ADIPOR1: variants seen among roughly 807,000 people sequenced by gnomAD.
ADIPOR1 encodes adiponectin receptor protein 1.
Under a neutral mutation model 37.5 loss-of-function variants are expected in ADIPOR1, and 15 were observed. That is an observed-to-expected ratio of 0.40 (90% CI 0.27 to 0.62). The LOEUF is 0.62. Ranked by LOEUF, ADIPOR1 falls within the 20% of genes least tolerant of loss-of-function variation. ADIPOR1 has a pLI of 0.42. For synonymous variants in ADIPOR1, 173 were observed against 173.2 expected, an observed-to-expected ratio of 1.00 and a Z score of 0.01; for missense variants, 286 against 478.0, an observed-to-expected ratio of 0.60 and a Z score of 3.75.
At chr1:202,957,789 C>A (rs989780939) in intron 1 of ADIPOR1, among the ~76,000 whole-genome samples, 4 of 152,218 alleles carry the variant, frequency 2.6e-5, no homozygotes, top group African/African-American at 9.6e-5. Context: ...GCGACCTAGG[C>A]CCGCAGCCCT....
At chr1:202,955,957 G>A (rs1260553463) in intron 1 of ADIPOR1, among the ~76,000 whole-genome samples, 2 of 152,296 alleles carry the variant, frequency 1.3e-5, no homozygotes, top group African/African-American at 4.8e-5. Context: ...TGTATTTTTA[G>A]TAGAGACAGG....
At chr1:202,949,593 A>AAAAAAAAAC (rs1332418254) in intron 2 of ADIPOR1, among the ~76,000 whole-genome samples, 1,939 of 138,282 alleles carry the variant, frequency 0.014, 57 homozygotes, top group Non-Finnish European at 0.018. Flanking sequence ...AAAAAAAAAA[A>AAAAAAAAAC]AAAACACACC....
rs747609172 is a variant in ADIPOR1 at position 202,945,186 on chromosome 1, TA to T, written c.431-18del. 4.2e-5 allele frequency: 66 copies of T among 1,565,118 alleles called. No homozygotes were observed. Among genetic ancestry groups the T allele is most frequent in the Admixed American group, 6.2e-5 (3 of 48,554 alleles). ...GCACGAAACCTGCAGGAGGGTAAAA[TA>T]AAAAAAACCTGTAAGAAAAAAGGGA... On this transcript the variant is annotated intron_variant, in intron 4 of 7. Coordinates refer to ENST00000340990, the MANE Select transcript of ADIPOR1 (RefSeq NM_015999.6).
At chr1:202,950,164 T>C (rs1313091245) in intron 2 of ADIPOR1, among the ~76,000 whole-genome samples, 1 of 152,008 alleles carries the variant, frequency 6.6e-6, no homozygotes, top group African/African-American at 2.4e-5. Flanking sequence ...GGCTTCACTA[T>C]GTTGGCCAGG....
chr1:202,945,072 G>C lies in ADIPOR1; in HGVS notation c.528C>G (p.Phe176Leu). 2 of 1,614,080 alleles carry C rather than the reference G, an allele frequency of 1.2e-6. No individual in the cohort carries two copies. Among genetic ancestry groups the C allele is most frequent in the Non-Finnish European group, 8.5e-7 (1 of 1,179,998 alleles). Reference protein sequence around the residue: ...PLQEKVVFGMFFLGAVLCLSF... With the variant: ...PLQEKVVFGMLFLGAVLCLSF... ...TGAGGCAGAGCACTGCACCCAAAAA[G>C]AACATCCCAAAAACCACCTTCTCCT... The change falls in exon 5 of 8, where the codon TTC (phenylalanine) becomes TTG (leucine). Residue 176 changes from phenylalanine (F) to leucine (L), a missense_variant. By Grantham distance (22) the Phe-to-Leu change is conservative (BLOSUM62 0). Transcript: ENST00000340990.
chr1:202,943,323 A>C (rs768184462), intron 6 of ADIPOR1, among the ~76,000 whole-genome samples: 6 of 152,232 alleles, frequency 3.9e-5, no homozygotes, highest in Non-Finnish European at 5.9e-5. Context: ...TTATGCTTGT[A>C]GCTATTACTT....
intron 1 of ADIPOR1, among the ~76,000 whole-genome samples, chr1:202,955,045 G>A (rs1171183190): frequency 6.6e-6 from 1 of 152,130 alleles, no homozygotes; most frequent in African/African-American, 2.4e-5. Flanking sequence ...CCTATCTACT[G>A]TCTCTTAGGC....
In ADIPOR1 at chr1:202,940,939, T is replaced by C. The variant is rs1654055561; in HGVS notation, c.*634A>G. ...TCTTTTTAAAGCTTAGTATTAAATA[T>C]TAAATATCTTTCCCCATTTAAATTT... On this transcript the variant is annotated 3_prime_UTR_variant, in exon 8 of 8. Coordinates refer to ENST00000340990, the MANE Select transcript of ADIPOR1 (RefSeq NM_015999.6). 6.6e-6 allele frequency: 1 copy of C among 152,574 alleles called. No individual in the cohort carries two copies. Among genetic ancestry groups the C allele is most frequent in the Non-Finnish European group, 1.5e-5 (1 of 68,026 alleles). 9.5% of individuals were successfully genotyped at this position (152,574 alleles called of 1,614,324 possible).
At chr1:202,957,043 G>A (rs928078754) in intron 1 of ADIPOR1, among the ~76,000 whole-genome samples, 3 of 152,052 alleles carry the variant, frequency 2.0e-5, no homozygotes, top group African/African-American at 7.2e-5. Flanking sequence ...TCACAATATG[G>A]GTACATAAAA....
Position 202,958,223 on chromosome 1 carries a change from C to T in ADIPOR1, c.-133G>A, listed in dbSNP as rs560769077. The T allele has an allele frequency of 6.6e-6, 1 of 152,058 alleles. No individual in the cohort carries two copies. Among genetic ancestry groups the T allele is most frequent in the African/African-American group, 2.4e-5 (1 of 41,414 alleles). 9.4% of individuals were successfully genotyped at this position (152,058 alleles called of 1,614,324 possible). A position where few individuals can be genotyped will look rare whatever the true frequency, so the allele number is the denominator to read the frequency against. On this transcript the variant is annotated 5_prime_UTR_variant, in exon 1 of 8. Coordinates refer to ENST00000340990, the MANE Select transcript of ADIPOR1 (RefSeq NM_015999.6). ...GGCTCTGCTGGGGGCCGCGGTCCCCCGCGCTACATCCCGCGGCGCTGGAGG... is the reference window on the plus strand; with the variant it reads ...GGCTCTGCTGGGGGCCGCGGTCCCCTGCGCTACATCCCGCGGCGCTGGAGG...
At chr1:202,944,359 T>C (rs1407768538) in intron 5 of ADIPOR1, 1 of 156,816 alleles carries the variant, frequency 6.4e-6, no homozygotes, top group Admixed American at 6.4e-5. Flanking sequence ...AGGGATACTC[T>C]AGCTTTTTCT....
chr1:202,953,624 T>C (rs1417090054), intron 1 of ADIPOR1, among the ~76,000 whole-genome samples: 1 of 152,162 alleles, frequency 6.6e-6, no homozygotes, highest in Non-Finnish European at 1.5e-5. Context: ...AGTCAACACA[T>C]TCATTGAATA....
chr1:202,957,468 G>T (rs79418639), intron 1 of ADIPOR1, among the ~76,000 whole-genome samples: 1 of 150,874 alleles, frequency 6.6e-6, no homozygotes, highest in East Asian at 1.9e-4. Flanking sequence ...GAAACTGAGG[G>T]AAAAAAAACA....
Position 202,941,537 on chromosome 1 carries a change from T to C in ADIPOR1, c.*36A>G, listed in dbSNP as rs1484899229. On this transcript the variant is annotated 3_prime_UTR_variant, in exon 8 of 8. Coordinates refer to ENST00000340990, the MANE Select transcript of ADIPOR1 (RefSeq NM_015999.6). ...CAAAGAAGTTATTTTTAAAAGCACT[T>C]GGGAAGTTCCTCCTCCACCCCGCAG... 1.3e-6 allele frequency: 2 copies of C among 1,582,722 alleles called. No individual in the cohort carries two copies. Among genetic ancestry groups the C allele is most frequent in the Non-Finnish European group, 8.6e-7 (1 of 1,169,528 alleles).
In ADIPOR1 at chr1:202,940,846, G is replaced by C. The variant is rs7539542; in HGVS notation, c.*727C>G. 0.58 allele frequency: 87,869 copies of C among 152,456 alleles called. 26,908 individuals carry two copies. Among genetic ancestry groups the C allele is most frequent in the Middle Eastern group, 0.71 (208 of 294 alleles). 9.4% of individuals were successfully genotyped at this position (152,456 alleles called of 1,614,324 possible). Reference sequence around the variant, plus strand: ...CATGTGAAATCTTTGAATGCCAAGTGTCTTCTGTACTTTCTTTTATTAACA... The same window carrying C: ...CATGTGAAATCTTTGAATGCCAAGTCTCTTCTGTACTTTCTTTTATTAACA... On this transcript the variant is annotated 3_prime_UTR_variant, in exon 8 of 8. Coordinates refer to ENST00000340990, the MANE Select transcript of ADIPOR1 (RefSeq NM_015999.6).
At chr1:202,943,003 G>T (rs1654159905) in intron 6 of ADIPOR1, among the ~76,000 whole-genome samples, 1 of 151,412 alleles carries the variant, frequency 6.6e-6, no homozygotes, top group African/African-American at 2.4e-5. Context: ...CAAGTAGCTG[G>T]AATTACAGGC....
intron 1 of ADIPOR1, among the ~76,000 whole-genome samples, chr1:202,953,669 C>T (rs1394076356): frequency 6.6e-6 from 1 of 151,840 alleles, no homozygotes; most frequent in East Asian, 1.9e-4. Flanking sequence ...CACCCTAAGG[C>T]ATTCTAAGAC....
At chr1:202,956,228 G>A (rs72752795) in intron 1 of ADIPOR1, among the ~76,000 whole-genome samples, 5,676 of 152,274 alleles carry the variant, frequency 0.037, 338 homozygotes, top group East Asian at 0.22. Context: ...TTCACAAAGC[G>A]TCTAGATATA....
rs1232834757 is a variant in ADIPOR1 at position 202,942,186 on chromosome 1, C to T, written c.838G>A (p.Val280Met). 7.4e-6 allele frequency: 12 copies of T among 1,613,890 alleles called. No homozygotes were observed. Among genetic ancestry groups the T allele is most frequent in the East Asian group, 2.2e-5 (1 of 44,888 alleles). Residue 280 changes from valine to methionine, a missense_variant, in exon 7 of 8, where the codon GTG becomes ATG. Transcript: ENST00000340990. Reference protein sequence around the residue: ...VFLGLGLSGVVPTMHFTIAEG... With the variant: ...VFLGLGLSGVMPTMHFTIAEG... ...GCGATAGTAAAGTGCATGGTGGGCA[C>T]GACGCCACTCAAGCCAAGTCCCAGG... is the stretch of plus-strand genomic sequence containing the variant.
Sources: allele counts gnomAD v4.1 joint callset (sites outside exome capture counted in the v4.1 genomes callset), GRCh38; gene constraint gnomAD v4.1.1; transcripts MANE v1.5; gene names NCBI Gene and HGNC (gene_info 2026-07-23, HGNC 2026-07-21).